Variants in CUL9 observed in about 807,000 individuals in gnomAD.
CUL9 encodes cullin-9.
In CUL9, 79 loss-of-function variants were observed where a neutral mutation model predicts 272.6. That is an observed-to-expected ratio of 0.29 (90% CI 0.24 to 0.35). The LOEUF (loss-of-function observed/expected upper bound fraction) is 0.35, where lower values mean the gene tolerates loss of function less well. Among genes scored for constraint, CUL9 ranks in the 10% least tolerant of loss-of-function variants. The pLI is 1.00. For synonymous variants in CUL9, 1,186 were observed against 1,286.5 expected (o/e 0.92, Z 1.67); for missense variants, 2,532 against 3,255.6 (o/e 0.78, Z 5.41).
chr6:43,215,339 C>G lies in CUL9; in HGVS notation c.5936+13C>G, dbSNP rs1356660103. ...CCTCCAAGCCCAGGTAGCCACTGCA[C>G]CTGACCCCTTGCAGTGAGGCGGGAG... On this transcript the variant is annotated intron_variant, in intron 30 of 40. Transcript: ENST00000252050. 5 of 1,594,650 alleles carry G rather than the reference C, an allele frequency of 3.1e-6. No individual in the cohort carries two copies. Among genetic ancestry groups the G allele is most frequent in the Non-Finnish European group, 4.3e-6 (5 of 1,171,294 alleles).
intron 8 of CUL9, among the ~76,000 whole-genome samples, chr6:43,190,055 T>G (rs1773307663): frequency 6.6e-6 from 1 of 152,150 alleles, no homozygotes; most frequent in African/African-American, 2.4e-5. Context: ...CTTAGAGGGC[T>G]TTCCATATCA....
rs372642128 is a variant in CUL9, at chr6:43,199,329, G to A, written c.3114G>A (p.Glu1038=). The change falls in exon 13 of 41, where the codon GAG becomes GAA. Residue 1038 remains glutamate, a synonymous_variant. Coordinates refer to ENST00000252050, the MANE Select transcript of CUL9 (RefSeq NM_015089.4). This position sits in a 1 kb window ranked among gnomAD's most constrained non-coding sequence, Gnocchi z 4.4. The stretch of plus-strand genomic sequence containing the variant: ...TCCTCCCCTGGCACGAGGTCTTGGA[G>A]CCCTGCCTCAACTGCCTGAGTGGCC... The part of the protein sequence containing the change: ...AMVLPWHEVL[E]PCLNCLSGPS... 4 of 1,613,614 alleles carry A rather than the reference G, an allele frequency of 2.5e-6. No homozygotes were observed. In the African/African-American group the frequency reaches 5.3e-5, roughly 22 times the overall value.
chr6:43,191,651 C>G (rs1476824187), intron 8 of CUL9, among the ~76,000 whole-genome samples: 1 of 151,882 alleles, frequency 6.6e-6, no homozygotes, highest in African/African-American at 2.4e-5. Flanking sequence ...GCAGTGCAAT[C>G]TCGGCTCACT....
rs985512687 is a variant in CUL9 at position 43,220,000 on chromosome 6, C to T, written c.6283-459C>T. On this transcript the variant is annotated intron_variant, in intron 31 of 40. Transcript: ENST00000252050. ...GAGAAGAGGCTGGGTCTGTTGGAGG[C>T]ATAAGTCAGAGACAGGAGCATCCGG... is the stretch of plus-strand genomic sequence containing the variant. Among the ~76,000 whole-genome samples the T allele has an allele frequency of 6.6e-5, 10 of 152,154 alleles. No individual in the cohort carries two copies. The South Asian group carries it at 1.5e-3, about 22-fold the overall frequency.
chr6:43,183,899 T>C (rs1772678234), intron 1 of CUL9, among the ~76,000 whole-genome samples: 2 of 152,086 alleles, frequency 1.3e-5, no homozygotes, highest in Non-Finnish European at 2.9e-5. Flanking sequence ...ACTACGGGCA[T>C]GTGCCACCAC....
At chr6:43,204,188 C>T in intron 20 of CUL9, 172 bp from the exon 21 acceptor site, 6 of 1,038,190 alleles carry the variant, frequency 5.8e-6, no homozygotes, top group African/African-American at 1.6e-5. Flanking sequence ...CCCATCCCCA[C>T]CCTGTTAACA....
chr6:43,186,398 C>G lies in CUL9; in HGVS notation c.1194C>G (p.Ile398Met). ...RVRMLDDYEE[I>M]SAGDEGEFRQ... is the part of the protein sequence containing the mutation. ...GGATGCTGGATGATTATGAGGAGAT[C>G]AGTGCTGGGGACGAGGGCGAGTTCC... is the stretch of plus-strand genomic sequence containing the variant. The change falls in exon 4 of 41, where the codon ATC (isoleucine) becomes ATG (methionine). Residue 398 changes from isoleucine (I) to methionine (M), a missense_variant. By Grantham distance (10) the Ile-to-Met change is conservative. Coordinates refer to ENST00000252050, the MANE Select transcript of CUL9 (RefSeq NM_015089.4). The G allele has an allele frequency of 6.2e-7, 1 of 1,612,362 alleles. No individual in the cohort carries two copies. The highest frequency in any genetic ancestry group is 8.5e-7 in the Non-Finnish European group (1 of 1,178,592).
intron 8 of CUL9, among the ~76,000 whole-genome samples, chr6:43,191,297 T>TGCG (rs60776527): frequency 3.0e-4 from 41 of 136,934 alleles, no homozygotes; most frequent in African/African-American, 1.1e-3. Context: ...TGTGTGCGTG[T>TGCG]TGTTTTTTTT....
chr6:43,209,010 A>G (rs1372724669), intron 26 of CUL9, among the ~76,000 whole-genome samples: 2 of 151,806 alleles, frequency 1.3e-5, no homozygotes, highest in South Asian at 4.2e-4. Flanking sequence ...ACTCCCAGCT[A>G]ATTTTTGTAG....
chr6:43,214,355 G>GT (rs1168277071), intron 29 of CUL9, among the ~76,000 whole-genome samples: 13 of 152,068 alleles, frequency 8.5e-5, no homozygotes, highest in African/African-American at 2.9e-4. Flanking sequence ...GGAGGCGGAG[G>GT]TTACAGTGAG....
chr6:43,195,499 G>A (rs918542660), intron 9 of CUL9, among the ~76,000 whole-genome samples: 16 of 152,324 alleles, frequency 1.1e-4, no homozygotes, highest in Middle Eastern at 6.8e-3. Flanking sequence ...TTGAAGCAAT[G>A]TGAATGGACC....
chr6:43,221,085 CCT>C lies in CUL9; in HGVS notation c.6589-67_6589-66del, dbSNP rs1776325836. ...TCCAAATGTGATCTGTGCCTGCTCC[CCT>C]CTCTCCTGTGCACACCAGCCATGCT... On this transcript the variant is annotated intron_variant, in intron 33 of 40. Transcript: ENST00000252050. This position sits in a 1 kb window ranked among gnomAD's most constrained non-coding sequence, Gnocchi z 4.2. 3.2e-6 allele frequency: 5 copies of C among 1,552,636 alleles called. No individual in the cohort carries two copies. The African/African-American group carries it at 4.1e-5, about 13-fold the overall frequency.
At position 43,205,689 on chromosome 6, in the gene CUL9, C is replaced by T. The variant is rs60856856; in HGVS notation, c.4793+266C>T. 0.017 allele frequency among the ~76,000 whole-genome samples: 2,618 copies of T among 152,006 alleles called. 66 individuals carry two copies. Among genetic ancestry groups the T allele is most frequent in the African/African-American group, 0.058 (2,404 of 41,470 alleles). ...TACAAAAATTAGCCAGGTGTGGTGG[C>T]GTGGTGGCAGGCACCTGTAATCCCA... is the stretch of plus-strand genomic sequence containing the variant. On this transcript the variant is annotated intron_variant, in intron 24 of 40. Transcript: ENST00000252050.
intron 35 of CUL9, chr6:43,222,052 G>A (rs1048177621): frequency 1.7e-6 from 1 of 597,312 alleles, no homozygotes; most frequent in African/African-American, 1.9e-5. Context: ...GCAGGGCAGA[G>A]CAGGAAAGAG....
At position 43,206,554 on chromosome 6, in the gene CUL9, G is replaced by A. The variant is rs371545901; in HGVS notation, c.5212+44G>A. The A allele has an allele frequency of 3.1e-5, 50 of 1,590,104 alleles. No individual in the cohort carries two copies. The African/African-American group carries it at 5.2e-4, about 17-fold the overall frequency. Reference sequence around the variant, plus strand: ...GAAATTGGAGATCGGGGTGAGATTCGGGGTGGCAAGAGAGGAAGAGGAGAG... The same window carrying A: ...GAAATTGGAGATCGGGGTGAGATTCAGGGTGGCAAGAGAGGAAGAGGAGAG... On this transcript the variant is annotated intron_variant, in intron 26 of 40. Coordinates refer to ENST00000252050, the MANE Select transcript of CUL9 (RefSeq NM_015089.4). The surrounding 1 kb of genome is among the most constrained non-coding windows in gnomAD (Gnocchi z 4.8).
At chr6:43,216,902 C>T (rs1377747444) in intron 31 of CUL9, among the ~76,000 whole-genome samples, 5 of 152,162 alleles carry the variant, frequency 3.3e-5, no homozygotes, top group African/African-American at 9.7e-5. Context: ...AAGAGATATA[C>T]GTGTAAAATA....
intron 26 of CUL9, among the ~76,000 whole-genome samples, chr6:43,211,568 A>G (rs763639246): frequency 1.3e-5 from 2 of 151,434 alleles, no homozygotes. Flanking sequence ...AAAAACAAAT[A>G]AAAAAAAAGT....
rs140261371 is a variant in CUL9 at position 43,222,387 on chromosome 6, G to A, written c.6918G>A (p.Ala2306=). Reference sequence around the variant, plus strand: ...AGAGGTGCACTTTCCATCACCAGGCGCGGGTGAGTCGGGAGGAAACAGCGG... The same window carrying A: ...AGAGGTGCACTTTCCATCACCAGGCACGGGTGAGTCGGGAGGAAACAGCGG... ...YNERCTFHHQ[A]REFAVNLRNR... The change falls in exon 36 of 41, where the codon GCG becomes GCA. Residue 2306 remains alanine (A), a synonymous_variant. Transcript: ENST00000252050. The A allele has an allele frequency of 3.0e-5, 48 of 1,613,688 alleles. No individual in the cohort carries two copies. Among genetic ancestry groups the A allele is most frequent in the South Asian group, 1.8e-4 (16 of 91,070 alleles).
chr6:43,206,484 A>G lies in CUL9; in HGVS notation c.5186A>G (p.Asp1729Gly), dbSNP rs1258454341. ...CCCACAGAATTCTGTGATGCCCTTGACCGTTTCTCCAGTTTCTACAGCCAG... is the reference window on the plus strand; with the variant it reads ...CCCACAGAATTCTGTGATGCCCTTGGCCGTTTCTCCAGTTTCTACAGCCAG... ...CLPTEFCDAL[D>G]RFSSFYSQSQ... Residue 1729 changes from aspartate to glycine, a missense_variant, in exon 26 of 41, where the codon GAC becomes GGC. Asp to Gly is a moderately conservative substitution (Grantham distance 94, BLOSUM62 -1). Coordinates refer to ENST00000252050, the MANE Select transcript of CUL9 (RefSeq NM_015089.4). The surrounding 1 kb of genome is among the most constrained non-coding windows in gnomAD (Gnocchi z 4.8). 2 of 1,613,998 alleles carry G rather than the reference A, an allele frequency of 1.2e-6. No homozygotes were observed. The highest frequency in any genetic ancestry group is 1.7e-6 in the Non-Finnish European group (2 of 1,180,030).
Sources: gnomAD v4.1 joint callset for allele counts (sites outside exome capture counted in the v4.1 genomes callset) on GRCh38, gnomAD v4.1.1 for gene constraint, Gnocchi (gnomAD v3.1) non-coding constraint, MANE v1.5 for transcripts, NCBI Gene and HGNC (gene_info 2026-07-23, HGNC 2026-07-21) for gene names.